The following PCDHA13 variants were observed in gnomAD, a reference collection of about 807,000 sequenced individuals.
The protein encoded by PCDHA13 is protocadherin alpha-13.
Under a neutral mutation model 64.8 loss-of-function variants are expected in PCDHA13, and 54 were observed. The ratio of observed to expected loss-of-function variants is 0.83; its 90% CI spans 0.67 to 1.04. PCDHA13 has a LOEUF of 1.04. Among genes scored for constraint, PCDHA13 ranks in the 50% least tolerant of loss-of-function variants. The pLI is 0.00. For synonymous variants in PCDHA13, 587 were observed against 564.4 expected (o/e 1.04, Z -0.57); for missense variants, 1,248 against 1,254.3 (o/e 0.99, Z 0.08).
At chr5:140,967,425 C>T in intron 1 of PCDHA13, 1 of 1,613,294 alleles carries the variant, frequency 6.2e-7, no homozygotes, top group Non-Finnish European at 8.5e-7. Flanking sequence ...CGGGAGCAGG[C>T]AGCCTTGCAC....
intron 3 of PCDHA13, among the ~76,000 whole-genome samples, chr5:140,997,797 C>A (rs2097786104): frequency 6.6e-6 from 1 of 151,944 alleles, no homozygotes; most frequent in Non-Finnish European, 1.5e-5. Context: ...TATAATTTAT[C>A]CAATTTGCTG....
rs574487083 is a variant in PCDHA13 at position 140,915,476 on chromosome 5, T to C, written c.2394+30814T>C. Among the ~76,000 whole-genome samples the C allele has an allele frequency of 2.0e-5, 3 of 152,296 alleles. No homozygotes were observed. The South Asian group carries it at 6.2e-4, about 32-fold the overall frequency. On this transcript the variant is annotated intron_variant, in intron 1 of 3. Transcript: ENST00000289272. ...CCAGAAGGTTTTTATTTGAAGGAGC[T>C]TGGGCCTCAATCCCAATAATACTGT...
At chr5:140,887,679 C>G (rs2061539498) in intron 1 of PCDHA13, among the ~76,000 whole-genome samples, 1 of 152,058 alleles carries the variant, frequency 6.6e-6, no homozygotes, top group East Asian at 1.9e-4. Flanking sequence ...TCATTTTCAT[C>G]AAATTCAGGA....
At chr5:140,941,634 T>G (rs2093133728) in intron 1 of PCDHA13, among the ~76,000 whole-genome samples, 1 of 152,074 alleles carries the variant, frequency 6.6e-6, no homozygotes, top group South Asian at 2.1e-4. Context: ...TCTTAATTTC[T>G]GTCTTCCTAC....
At position 140,883,707 on chromosome 5, in the gene PCDHA13, A is replaced by C; in HGVS notation, c.1439A>C (p.Gln480Pro). 1 of 1,613,636 alleles carries C rather than the reference A, an allele frequency of 6.2e-7. No individual in the cohort carries two copies. Reference sequence around the variant, plus strand: ...TGCCACATCTTCACGGTGTCTGCTCAGGACGCGGACGCACAGGAGAACGCG... The same window carrying C: ...TGCCACATCTTCACGGTGTCTGCTCCGGACGCGGACGCACAGGAGAACGCG... ...PGCHIFTVSA[Q>P]DADAQENALV... The change falls in exon 1 of 4, where the codon CAG (glutamine) becomes CCG (proline). Residue 480 changes from glutamine to proline, a missense_variant. Coordinates refer to ENST00000289272, the MANE Select transcript of PCDHA13 (RefSeq NM_018904.3).
At chr5:140,997,141 C>T (rs941650589) in intron 3 of PCDHA13, among the ~76,000 whole-genome samples, 6 of 152,088 alleles carry the variant, frequency 3.9e-5, no homozygotes, top group Admixed American at 2.6e-4. Flanking sequence ...CCCACACCCC[C>T]GCCACAGTGA....
At position 140,971,319 on chromosome 5, in the gene PCDHA13, A is replaced by C. The variant is rs568701560; in HGVS notation, c.2395-7630A>C. ...TGGTACACAAACATTTAATCTAGGG[A>C]GAAAATTATTTCAGAAAGTGCTTGC... is the stretch of plus-strand genomic sequence containing the variant. On this transcript the variant is annotated intron_variant, in intron 1 of 3. Transcript: ENST00000289272. Among the ~76,000 whole-genome samples the C allele has an allele frequency of 2.1e-4, 32 of 152,346 alleles. 1 individual carries two copies. Among genetic ancestry groups the C allele is most frequent in the Admixed American group, 2.0e-3 (31 of 15,306 alleles).
chr5:140,927,635 A>G (rs782672031), intron 1 of PCDHA13: 17 of 1,614,038 alleles, frequency 1.1e-5, no homozygotes, highest in East Asian at 4.5e-5. Context: ...ACTGCACCCA[A>G]TGGGACTGTG....
chr5:141,006,505 G>A (rs2098276412), intron 3 of PCDHA13, among the ~76,000 whole-genome samples: 2 of 152,020 alleles, frequency 1.3e-5, no homozygotes, highest in African/African-American at 4.8e-5. Flanking sequence ...GAGCCACCGC[G>A]CCTGGCTGTT....
In PCDHA13 at chr5:140,882,534, G is replaced by C; in HGVS notation, c.266G>C (p.Arg89Pro). The C allele has an allele frequency of 6.2e-7, 1 of 1,614,204 alleles. No homozygotes were observed. Residue 89 changes from arginine to proline, a missense_variant, in exon 1 of 4, where the codon CGG (arginine) becomes CCG (proline). Physicochemically the swap from Arg to Pro is moderately radical, Grantham distance 103 (BLOSUM62 -2). Coordinates refer to ENST00000289272, the MANE Select transcript of PCDHA13 (RefSeq NM_018904.3). ...AATGGCATTTTGTTTGTGAATTCTCGGATCGACCGCGAGGAGCTGTGTGGG... is the reference window on the plus strand; with the variant it reads ...AATGGCATTTTGTTTGTGAATTCTCCGATCGACCGCGAGGAGCTGTGTGGG... ...LQNGILFVNSRIDREELCGRS... is the reference protein window; with the variant it reads ...LQNGILFVNSPIDREELCGRS...
At chr5:140,967,301 G>T in intron 1 of PCDHA13, 2 of 1,612,148 alleles carry the variant, frequency 1.2e-6, no homozygotes, top group Middle Eastern at 1.7e-4. Flanking sequence ...CGACGTGGGC[G>T]CCAACTCAGT....
rs576230620 is a variant in PCDHA13 at position 140,948,680 on chromosome 5, T to C, written c.2395-30269T>C. 2.0e-5 allele frequency among the ~76,000 whole-genome samples: 3 copies of C among 151,762 alleles called. No homozygotes were observed. The South Asian group carries it at 6.2e-4, about 31-fold the overall frequency. On this transcript the variant is annotated intron_variant, in intron 1 of 3. Coordinates refer to ENST00000289272, the MANE Select transcript of PCDHA13 (RefSeq NM_018904.3). Reference sequence around the variant, plus strand: ...ATCTGTAGTGATAACATCTTTTTCATTTTTGATATTGGTGATTTGTGTTCT... The same window carrying C: ...ATCTGTAGTGATAACATCTTTTTCACTTTTGATATTGGTGATTTGTGTTCT...
chr5:140,919,648 G>A (rs1482168238), intron 1 of PCDHA13, among the ~76,000 whole-genome samples: 7 of 151,936 alleles, frequency 4.6e-5, no homozygotes, highest in Non-Finnish European at 7.4e-5. Flanking sequence ...TTTCTCTAGA[G>A]TTTACCATAT....
chr5:140,927,040 A>T (rs1554203950), intron 1 of PCDHA13: 1 of 1,612,350 alleles, frequency 6.2e-7, no homozygotes, highest in Non-Finnish European at 8.5e-7. Flanking sequence ...AGCGGCCGCT[A>T]TGTCCTCGCG....
intron 1 of PCDHA13, among the ~76,000 whole-genome samples, chr5:140,964,816 T>A (rs79964853): frequency 0.016 from 2,494 of 151,960 alleles, 68 homozygotes; most frequent in African/African-American, 0.056. Context: ...CAGGAATAGA[T>A]TTTGATGAAA....
Position 140,900,863 on chromosome 5 carries a change from G to A in PCDHA13, c.2394+16201G>A, listed in dbSNP as rs116648446. 4.1e-3 allele frequency among the ~76,000 whole-genome samples: 626 copies of A among 152,044 alleles called. 2 individuals are homozygous for A. Among genetic ancestry groups the A allele is most frequent in the African/African-American group, 0.014 (595 of 41,452 alleles). Reference sequence around the variant, plus strand: ...AGTTTCCCTTTTTTTCACCTCTCCAGCATTTTTTATTGCCTGTCATTTGGA... The same window carrying A: ...AGTTTCCCTTTTTTTCACCTCTCCAACATTTTTTATTGCCTGTCATTTGGA... On this transcript the variant is annotated intron_variant, in intron 1 of 3. Transcript: ENST00000289272.
chr5:140,885,207 T>C (rs1405388039), intron 1 of PCDHA13, among the ~76,000 whole-genome samples: 1 of 152,140 alleles, frequency 6.6e-6, no homozygotes, highest in Admixed American at 6.5e-5. Context: ...ATATATCCCA[T>C]GAAAAATATC....
intron 1 of PCDHA13, among the ~76,000 whole-genome samples, chr5:140,910,150 T>G (rs555048323): frequency 6.6e-6 from 1 of 152,354 alleles, no homozygotes; most frequent in South Asian, 2.1e-4. Flanking sequence ...GGAAATTGAT[T>G]GAGGGGAAAT....
intron 3 of PCDHA13, among the ~76,000 whole-genome samples, chr5:140,989,700 C>T (rs1367211310): frequency 6.6e-6 from 1 of 152,178 alleles, no homozygotes; most frequent in East Asian, 1.9e-4. Flanking sequence ...AAAATTTTAT[C>T]TTCAGAGGCA....
Sources: allele counts gnomAD v4.1 joint callset (sites outside exome capture counted in the v4.1 genomes callset), GRCh38; gene constraint gnomAD v4.1.1; transcripts MANE v1.5; gene names NCBI Gene and HGNC (gene_info 2026-07-23, HGNC 2026-07-21).